The following ANK3 variants were observed in gnomAD, a reference collection of about 807,000 sequenced individuals.
ANK3 encodes ankyrin-3.
A neutral mutation model predicts 370.9 loss-of-function variants in ANK3; 57 were observed. That is an observed-to-expected ratio of 0.15 (90% CI 0.12 to 0.19). ANK3 has a LOEUF of 0.19. ANK3 is among the 10% of genes least tolerant of loss of function. ANK3 has a pLI of 1.00. For synonymous variants in ANK3, 1,929 were observed against 1,946.3 expected, an observed-to-expected ratio of 0.99 and a Z score of 0.23; for missense variants, 4,439 against 5,302.1, an observed-to-expected ratio of 0.84 and a Z score of 5.06.
chr10:60,605,243 TA>T (rs1440321434), intron 2 of ANK3, among the ~76,000 whole-genome samples: 2 of 151,958 alleles, frequency 1.3e-5, no homozygotes, highest in Admixed American at 1.3e-4. Context: ...GGGAAACACA[TA>T]AATGACACAC....
At position 60,094,082 on chromosome 10, in the gene ANK3, G is replaced by A. The variant is rs78925466; in HGVS notation, c.3329-5724C>T. On this transcript the variant is annotated intron_variant, in intron 28 of 43. Transcript: ENST00000280772. The stretch of plus-strand genomic sequence containing the variant: ...GCTGTAGGCAAGGGGGACATTTAGT[G>A]TCTCCATGTACTATTCCTTAAATAG... 4.4e-3 allele frequency among the ~76,000 whole-genome samples: 669 copies of A among 151,890 alleles called. 3 individuals are homozygous for A. Among genetic ancestry groups the A allele is most frequent in the African/African-American group, 0.015 (634 of 41,416 alleles).
In ANK3 at chr10:60,555,715, G is replaced by A. The variant is rs983226519; in HGVS notation, c.96+59471C>T. On this transcript the variant is annotated intron_variant, in intron 2 of 43. Coordinates refer to the ANK3 transcript ENST00000373827. The stretch of plus-strand genomic sequence containing the variant: ...CATCAGTTTGGACCGGTAGACTGTG[G>A]AATAATTTGCACTAACTGCATATTT... Among the ~76,000 whole-genome samples, 6 of 151,980 alleles carry A rather than the reference G, an allele frequency of 3.9e-5. 1 individual carries two copies. The highest frequency in any genetic ancestry group is 8.8e-5 in the Non-Finnish European group (6 of 67,986).
chr10:60,368,276 A>G (rs190490275), intron 1 of ANK3, among the ~76,000 whole-genome samples: 161 of 152,202 alleles, frequency 1.1e-3, no homozygotes, highest in African/African-American at 3.5e-3. Context: ...GAACAAAAGT[A>G]TTGTCTGGCT....
At chr10:60,376,374 C>A (rs746142232) in intron 1 of ANK3, among the ~76,000 whole-genome samples, 2 of 152,176 alleles carry the variant, frequency 1.3e-5, no homozygotes, top group Non-Finnish European at 2.9e-5. Flanking sequence ...CTTTCCTGTG[C>A]CACAACAGAA....
intron 2 of ANK3, among the ~76,000 whole-genome samples, chr10:60,401,199 T>A (rs2063346240): frequency 6.6e-6 from 1 of 151,646 alleles, no homozygotes; most frequent in Non-Finnish European, 1.5e-5. Context: ...AATCAAAGAG[T>A]GGAATGGCGG....
At chr10:60,445,145 C>T (rs2064409773) in intron 2 of ANK3, among the ~76,000 whole-genome samples, 1 of 152,066 alleles carries the variant, frequency 6.6e-6, no homozygotes, top group Non-Finnish European at 1.5e-5. Context: ...CAGTTCTTGG[C>T]CTGGTACAGT....
At chr10:60,552,644 C>A (rs181075795) in intron 2 of ANK3, among the ~76,000 whole-genome samples, 34 of 152,264 alleles carry the variant, frequency 2.2e-4, no homozygotes, top group Admixed American at 7.9e-4. Flanking sequence ...TGGAAATTTG[C>A]TGTATGTAGT....
chr10:60,326,937 T>G (rs1016025323), intron 1 of ANK3, among the ~76,000 whole-genome samples: 3 of 151,370 alleles, frequency 2.0e-5, no homozygotes, highest in Non-Finnish European at 2.9e-5. Context: ...GGAGAATGGC[T>G]TGAACCCAGG....
intron 7 of ANK3, among the ~76,000 whole-genome samples, chr10:60,257,644 T>C (rs1415689665): frequency 6.6e-6 from 1 of 152,230 alleles, no homozygotes; most frequent in Non-Finnish European, 1.5e-5. Flanking sequence ...CTTTCCACTA[T>C]ATATATCAAA....
chr10:60,678,910 G>A (rs1246875169), intron 1 of ANK3, among the ~76,000 whole-genome samples: 2 of 152,218 alleles, frequency 1.3e-5, no homozygotes, highest in Non-Finnish European at 2.9e-5. Context: ...AATAGTCTCA[G>A]ATTGGGTTTT....
intron 26 of ANK3, among the ~76,000 whole-genome samples, chr10:60,112,178 T>C (rs975892933): frequency 6.6e-6 from 1 of 152,222 alleles, no homozygotes; most frequent in Non-Finnish European, 1.5e-5. Flanking sequence ...TTTCTTCAAC[T>C]TCTCAGTTTA....
At chr10:60,096,098 G>A (rs555563874) in intron 28 of ANK3, among the ~76,000 whole-genome samples, 6 of 152,194 alleles carry the variant, frequency 3.9e-5, no homozygotes, top group Admixed American at 2.0e-4. Context: ...ACTAGAACCC[G>A]GGAGGTGGAG....
rs1308360228 is a variant in ANK3 at position 60,586,049 on chromosome 10, C to A, written c.96+29137G>T. ...CAAAACAAAAACAAAAACAAACAAA[C>A]AAAAAAAAGACTTTGACATTTTGAG... On this transcript the variant is annotated intron_variant, in intron 2 of 43. Coordinates refer to the ANK3 transcript ENST00000373827. 6.7e-5 allele frequency among the ~76,000 whole-genome samples: 10 copies of A among 149,506 alleles called. No individual in the cohort carries two copies. The East Asian group carries it at 1.4e-3, about 21-fold the overall frequency.
At position 60,201,705 on chromosome 10, in the gene ANK3, CTTCT is replaced by C. The variant is rs747100483; in HGVS notation, c.1392+1293_1392+1296del. Among the ~76,000 whole-genome samples, 12 of 124,498 alleles carry C rather than the reference CTTCT, an allele frequency of 9.6e-5. No individual in the cohort carries two copies. In the East Asian group the frequency reaches 1.0e-3, roughly 10 times the overall value. The allele number at this position is 124,498 out of a possible 152,430, so 81.7% of individuals were successfully genotyped here. A position where few individuals can be genotyped will look rare whatever the true frequency, so the allele number is the denominator to read the frequency against. On this transcript the variant is annotated intron_variant, in intron 12 of 43. Coordinates refer to ENST00000280772, the MANE Select transcript of ANK3 (RefSeq NM_020987.5). The stretch of plus-strand genomic sequence containing the variant: ...ACTACCTTGAAGTTAGTTGAAATCA[CTTCT>C]TTTTTTTTTTTTTTTTTTTTGAGAC...
At chr10:60,123,998 T>G (rs1332650616) in intron 25 of ANK3, among the ~76,000 whole-genome samples, 1 of 152,180 alleles carries the variant, frequency 6.6e-6, no homozygotes, top group Non-Finnish European at 1.5e-5. Flanking sequence ...AAAAACTCAC[T>G]GAATCTCCAT....
chr10:60,187,151 T>TTA (rs1271703521), intron 16 of ANK3, among the ~76,000 whole-genome samples: 1 of 151,138 alleles, frequency 6.6e-6, no homozygotes, highest in Non-Finnish European at 1.5e-5. Flanking sequence ...TTATTTTATT[T>TTA]TATTTTATTT....
At chr10:60,345,655 T>C (rs1056992595) in intron 1 of ANK3, among the ~76,000 whole-genome samples, 1 of 152,182 alleles carries the variant, frequency 6.6e-6, no homozygotes, top group Non-Finnish European at 1.5e-5. Context: ...AGTTCATTCA[T>C]CCAACACATG....
intron 16 of ANK3, among the ~76,000 whole-genome samples, chr10:60,193,085 T>C (rs868005968): frequency 5.9e-5 from 9 of 152,314 alleles, no homozygotes; most frequent in South Asian, 4.1e-4. Flanking sequence ...ACAGGGATTA[T>C]TGGACATGTG....
intron 7 of ANK3, among the ~76,000 whole-genome samples, chr10:60,248,489 C>G (rs898564863): frequency 4.6e-5 from 7 of 151,942 alleles, no homozygotes; most frequent in Non-Finnish European, 1.0e-4. Context: ...TAGTAAATGC[C>G]TAATTCCTGT....
Sources: gnomAD v4.1 joint callset for allele counts (sites outside exome capture counted in the v4.1 genomes callset) on GRCh38, gnomAD v4.1.1 for gene constraint, MANE v1.5 for transcripts, NCBI Gene and HGNC (gene_info 2026-07-23, HGNC 2026-07-21) for gene names.